NPY: variants seen among roughly 807,000 people sequenced by gnomAD.
The protein encoded by NPY is neuropeptide Y.
In NPY, 11 loss-of-function variants were observed where a neutral mutation model predicts 13.2. The observed-to-expected ratio is 0.83, with a 90% CI of 0.52 to 1.38. The LOEUF is 1.38. NPY is among the 40% of genes most tolerant of loss of function. The probability of loss-of-function intolerance (pLI) is 0.00; values close to 1 mark genes in which losing one functional copy is unlikely to be tolerated. For synonymous variants in NPY, 51 were observed against 55.6 expected, an observed-to-expected ratio of 0.92 and a Z score of 0.37; for missense variants, 109 against 125.1, an observed-to-expected ratio of 0.87 and a Z score of 0.61.
chr7:24,287,684 G>T (rs956679601), intron 2 of NPY, among the ~76,000 whole-genome samples: 2 of 151,924 alleles, frequency 1.3e-5, no homozygotes, highest in African/African-American at 4.8e-5. Context: ...ACTGGAGGTG[G>T]GCACTGCTGG....
Position 24,285,348 on chromosome 7 carries a change from G to T in NPY, c.108G>T (p.Pro36=), listed in dbSNP as rs761880789. ...AEAYPSKPDN[P]GEDAPAEDMA... is the part of the protein sequence containing the mutation. Reference sequence around the variant, plus strand: ...CGTACCCCTCCAAGCCGGACAACCCGGGCGAGGACGCACCAGCGGAGGACA... The same window carrying T: ...CGTACCCCTCCAAGCCGGACAACCCTGGCGAGGACGCACCAGCGGAGGACA... Residue 36 remains proline (P), a synonymous_variant, in exon 2 of 4, where the codon CCG becomes CCT. Transcript: ENST00000242152. The surrounding 1 kb of genome is among the most constrained non-coding windows in gnomAD (Gnocchi z 4.9). The T allele has an allele frequency of 3.1e-6, 5 of 1,614,054 alleles. No individual in the cohort carries two copies. In the East Asian group the frequency reaches 1.1e-4, roughly 36 times the overall value.
At chr7:24,284,955 G>A (rs1768091673) in intron 1 of NPY, 1 of 523,324 alleles carries the variant, frequency 1.9e-6, no homozygotes, top group South Asian at 2.3e-5. Context: ...AACTGGCGGG[G>A]CCCCCACCTT....
chr7:24,285,347 C>T lies in NPY; in HGVS notation c.107C>T (p.Pro36Leu). The change falls in exon 2 of 4, where the codon CCG (proline) becomes CTG (leucine). Residue 36 changes from proline (P) to leucine (L), a missense_variant. Pro to Leu is a moderately conservative substitution (Grantham distance 98). Coordinates refer to ENST00000242152, the MANE Select transcript of NPY (RefSeq NM_000905.4). The surrounding 1 kb of genome is among the most constrained non-coding windows in gnomAD (Gnocchi z 4.9). ...AEAYPSKPDN[P>L]GEDAPAEDMA... ...GCGTACCCCTCCAAGCCGGACAACC[C>T]GGGCGAGGACGCACCAGCGGAGGAC... The T allele has an allele frequency of 1.2e-6, 2 of 1,614,036 alleles. No homozygotes were observed. Among genetic ancestry groups the T allele is most frequent in the Non-Finnish European group, 1.7e-6 (2 of 1,180,012 alleles).
rs1443227464 is a variant in NPY at position 24,285,734 on chromosome 7, G to A, written c.188+306G>A. Among the ~76,000 whole-genome samples, 1 of 152,016 alleles carries A rather than the reference G, an allele frequency of 6.6e-6. No individual in the cohort carries two copies. The highest frequency in any genetic ancestry group is 1.5e-5 in the Non-Finnish European group (1 of 68,022). Reference sequence around the variant, plus strand: ...TTTGTTGTGGTTCTTACGGCAGTGGGGCCCGGTCCAGAAATCTCGAAAGTA... The same window carrying A: ...TTTGTTGTGGTTCTTACGGCAGTGGAGCCCGGTCCAGAAATCTCGAAAGTA... On this transcript the variant is annotated intron_variant, in intron 2 of 3. Coordinates refer to ENST00000242152, the MANE Select transcript of NPY (RefSeq NM_000905.4). The surrounding 1 kb of genome is among the most constrained non-coding windows in gnomAD (Gnocchi z 4.9).
chr7:24,291,513 T>C, intron 3 of NPY, 150 bp from the exon 4 acceptor site: 1 of 823,674 alleles, frequency 1.2e-6, no homozygotes, highest in Non-Finnish European at 2.0e-6. Flanking sequence ...CGATCTGATA[T>C]TCCACATGGC....
In NPY at chr7:24,285,448, C is replaced by T. The variant is rs768439362; in HGVS notation, c.188+20C>T. On this transcript the variant is annotated intron_variant, in intron 2 of 3. Coordinates refer to ENST00000242152, the MANE Select transcript of NPY (RefSeq NM_000905.4). The surrounding 1 kb of genome is among the most constrained non-coding windows in gnomAD (Gnocchi z 4.9). ...GCAGAGGTGGGTGGGACCGCGGGAC[C>T]GATTCCGGGAGCGCCAGTGCCTGCA... is the stretch of plus-strand genomic sequence containing the variant. 1 of 1,603,230 alleles carries T rather than the reference C, an allele frequency of 6.2e-7. No individual in the cohort carries two copies.
At chr7:24,289,014 G>A (rs528734997) in intron 2 of NPY, among the ~76,000 whole-genome samples, 1 of 152,032 alleles carries the variant, frequency 6.6e-6, no homozygotes, top group Non-Finnish European at 1.5e-5. Context: ...GGTCTTGGAC[G>A]GCAATCTGCT....
chr7:24,290,734 T>G (rs996879942), intron 3 of NPY, among the ~76,000 whole-genome samples: 10 of 146,120 alleles, frequency 6.8e-5, no homozygotes, highest in Middle Eastern at 3.6e-3. Context: ...GGCAGAAAAT[T>G]TGTAAGGGTT....
In NPY at chr7:24,285,305, T is replaced by C; in HGVS notation, c.65T>C (p.Leu22Pro). Residue 22 changes from leucine (L) to proline (P), a missense_variant, in exon 2 of 4, where the codon CTG (leucine) becomes CCG (proline). Physicochemically the swap from Leu to Pro is moderately conservative, Grantham distance 98. Coordinates refer to ENST00000242152, the MANE Select transcript of NPY (RefSeq NM_000905.4). This position sits in a 1 kb window ranked among gnomAD's most constrained non-coding sequence, Gnocchi z 4.9. Reference protein sequence around the residue: ...LTLALSLLVCLGALAEAYPSK... With the variant: ...LTLALSLLVCPGALAEAYPSK... The stretch of plus-strand genomic sequence containing the variant: ...CTCGCCCTGTCCCTGCTCGTGTGCC[T>C]GGGTGCGCTGGCCGAGGCGTACCCC... The C allele has an allele frequency of 6.2e-7, 1 of 1,614,000 alleles. No individual in the cohort carries two copies. Among genetic ancestry groups the C allele is most frequent in the Non-Finnish European group, 8.5e-7 (1 of 1,179,978 alleles).
chr7:24,291,858 C>G lies in NPY; in HGVS notation c.*171C>G. On this transcript the variant is annotated 3_prime_UTR_variant, in exon 4 of 4. Coordinates refer to ENST00000242152, the MANE Select transcript of NPY (RefSeq NM_000905.4). ...GTGTTTAAATAAAGTATCATGCATT[C>G]AAAAGTGTATCCTCCTCAATGAAAA... 2 of 643,738 alleles carry G rather than the reference C, an allele frequency of 3.1e-6. No individual in the cohort carries two copies. The allele number at this position is 643,738 out of a possible 1,614,324, so 39.9% of individuals were successfully genotyped here.
rs1324028552 is a variant in NPY at position 24,285,060 on chromosome 7, C to T, written c.1-181C>T. 1 of 640,698 alleles carries T rather than the reference C, an allele frequency of 1.6e-6. No individual in the cohort carries two copies. The highest frequency in any genetic ancestry group is 4.3e-4 in the Middle Eastern group (1 of 2,346). The allele number at this position is 640,698 out of a possible 1,614,324, so 39.7% of individuals were successfully genotyped here. ...AGAGGGGCAGGTCCCGACCGGACGG[C>T]GCCCGGAGCCCGCAAGGTGGTGCTA... is the stretch of plus-strand genomic sequence containing the variant. On this transcript the variant is annotated intron_variant, in intron 1 of 3. Coordinates refer to ENST00000242152, the MANE Select transcript of NPY (RefSeq NM_000905.4). The surrounding 1 kb of genome is among the most constrained non-coding windows in gnomAD (Gnocchi z 4.9).
chr7:24,285,397 C>A lies in NPY; in HGVS notation c.157C>A (p.Arg53=). Residue 53 remains arginine (R), a synonymous_variant, in exon 2 of 4, where the codon CGA becomes AGA. Coordinates refer to ENST00000242152, the MANE Select transcript of NPY (RefSeq NM_000905.4). This position sits in a 1 kb window ranked among gnomAD's most constrained non-coding sequence, Gnocchi z 4.9. ...EDMARYYSAL[R]HYINLITRQR... is the part of the protein sequence containing the mutation. ...CATGGCCAGATACTACTCGGCGCTG[C>A]GACACTACATCAACCTCATCACCAG... The A allele has an allele frequency of 6.2e-7, 1 of 1,613,822 alleles. No homozygotes were observed. The highest frequency in any genetic ancestry group is 1.3e-5 in the African/African-American group (1 of 75,030).
In NPY at chr7:24,285,570, G is replaced by A. The variant is rs1787330418; in HGVS notation, c.188+142G>A. 1 of 802,618 alleles carries A rather than the reference G, an allele frequency of 1.2e-6. No individual in the cohort carries two copies. The highest frequency in any genetic ancestry group is 2.7e-5 in the Admixed American group (1 of 37,216). 49.7% of individuals were successfully genotyped at this position (802,618 alleles called of 1,614,324 possible). On this transcript the variant is annotated intron_variant, in intron 2 of 3. Coordinates refer to ENST00000242152, the MANE Select transcript of NPY (RefSeq NM_000905.4). This position sits in a 1 kb window ranked among gnomAD's most constrained non-coding sequence, Gnocchi z 4.9. Reference sequence around the variant, plus strand: ...GTATCAGGCACTTAGTCAGCTCTAGGTAAATGTTTGTACAGGGCACACTCT... The same window carrying A: ...GTATCAGGCACTTAGTCAGCTCTAGATAAATGTTTGTACAGGGCACACTCT...
chr7:24,289,413 T>C, intron 2 of NPY, 86 bp from the exon 3 acceptor site: 1 of 854,442 alleles, frequency 1.2e-6, no homozygotes, highest in South Asian at 1.8e-5. Context: ...TTAGTTTTCA[T>C]ATCCCAAATA....
rs1787377524 is a variant in NPY, at chr7:24,286,351, C to G, written c.188+923C>G. On this transcript the variant is annotated intron_variant, in intron 2 of 3. Coordinates refer to ENST00000242152, the MANE Select transcript of NPY (RefSeq NM_000905.4). ...AAATTGGTTGATCTTAGTTCTAAAT[C>G]ATTTAATATCTTATTTTAATTACTG... 3.3e-5 allele frequency among the ~76,000 whole-genome samples: 5 copies of G among 152,174 alleles called. No homozygotes were observed. The South Asian group carries it at 8.3e-4, about 25-fold the overall frequency.
In NPY at chr7:24,289,505, A is replaced by T. The variant is rs1459009642; in HGVS notation, c.195A>T (p.Gly65=). ...AAGACTTTTTTTTTTCCAGATATGG[A>T]AAACGATCCAGCCCAGAGACACTGA... ...YINLITRQRY[G]KRSSPETLIS... The change falls in exon 3 of 4, where the codon GGA becomes GGT. Residue 65 remains glycine, a synonymous_variant. Transcript: ENST00000242152. 1 of 1,591,270 alleles carries T rather than the reference A, an allele frequency of 6.3e-7. No individual in the cohort carries two copies. Among genetic ancestry groups the T allele is most frequent in the Admixed American group, 1.8e-5 (1 of 55,906 alleles).
chr7:24,289,712 T>G, intron 3 of NPY, 133 bp downstream of exon 3: 1 of 546,464 alleles, frequency 1.8e-6, no homozygotes. Context: ...GAAATGAGGA[T>G]GAAGAAGCAG....
In NPY at chr7:24,285,903, C is replaced by T. The variant is rs969606131; in HGVS notation, c.188+475C>T. On this transcript the variant is annotated intron_variant, in intron 2 of 3. Transcript: ENST00000242152. This position sits in a 1 kb window ranked among gnomAD's most constrained non-coding sequence, Gnocchi z 4.9. Reference sequence around the variant, plus strand: ...TTGCCACAGACATTGTCAGACTTTCCGGCCTGCCCAGGGCTAATTGAATGA... The same window carrying T: ...TTGCCACAGACATTGTCAGACTTTCTGGCCTGCCCAGGGCTAATTGAATGA... Among the ~76,000 whole-genome samples, 2 of 152,120 alleles carry T rather than the reference C, an allele frequency of 1.3e-5. No homozygotes were observed. Among genetic ancestry groups the T allele is most frequent in the Non-Finnish European group, 2.9e-5 (2 of 68,014 alleles).
At chr7:24,290,775 A>AATAATAATTATTATTATTATT (rs10701264) in intron 3 of NPY, among the ~76,000 whole-genome samples, 20,541 of 129,324 alleles carry the variant, frequency 0.16, 1,938 homozygotes, top group Non-Finnish European at 0.2. Flanking sequence ...TAATAATAAT[A>AATAATAATTATTATTATTATT]ATTATTATTA....
Sources: gnomAD v4.1 joint callset for allele counts (sites outside exome capture counted in the v4.1 genomes callset) on GRCh38, gnomAD v4.1.1 for gene constraint, Gnocchi (gnomAD v3.1) non-coding constraint, MANE v1.5 for transcripts, NCBI Gene and HGNC (gene_info 2026-07-23, HGNC 2026-07-21) for gene names.